The following PDE7B variants were observed in gnomAD, a reference collection of about 807,000 sequenced individuals.
PDE7B encodes phosphodiesterase 7B.
Under a neutral mutation model 56.2 loss-of-function variants are expected in PDE7B, and 29 were observed. That is an observed-to-expected ratio of 0.52 (90% confidence interval 0.38 to 0.70). The LOEUF (loss-of-function observed/expected upper bound fraction) is 0.70, where lower values mean the gene tolerates loss of function less well. Among genes scored for constraint, PDE7B ranks in the 30% least tolerant of loss-of-function variants. The pLI is 0.00. For synonymous variants in PDE7B, 197 were observed against 196.9 expected, an observed-to-expected ratio of 1.00 and a Z score of 0.00; for missense variants, 490 against 565.0, an observed-to-expected ratio of 0.87 and a Z score of 1.35.
chr6:135,853,911 A>G (rs765642017), intron 1 of PDE7B, among the ~76,000 whole-genome samples: 23 of 152,210 alleles, frequency 1.5e-4, no homozygotes, highest in Non-Finnish European at 2.9e-4. Context: ...CCTAGAATTT[A>G]CTACCTTTCA....
intron 1 of PDE7B, among the ~76,000 whole-genome samples, chr6:135,896,141 A>T (rs143245721): frequency 6.6e-6 from 1 of 152,166 alleles, no homozygotes; most frequent in Non-Finnish European, 1.5e-5. Flanking sequence ...AGAACATGCC[A>T]AACAACAGGT....
chr6:136,188,232 A>G (rs1273546960), intron 12 of PDE7B, among the ~76,000 whole-genome samples: 1 of 151,870 alleles, frequency 6.6e-6, no homozygotes, highest in African/African-American at 2.4e-5. Context: ...GGAATATACA[A>G]CTATTAAAAT....
chr6:136,036,078 T>C (rs753691872), intron 2 of PDE7B, among the ~76,000 whole-genome samples: 3 of 152,192 alleles, frequency 2.0e-5, no homozygotes, highest in Non-Finnish European at 4.4e-5. Context: ...TCAGGAAATA[T>C]GATAATAAAG....
chr6:136,057,731 A>G (rs115525634), intron 2 of PDE7B, among the ~76,000 whole-genome samples: 2,350 of 152,178 alleles, frequency 0.015, 53 homozygotes, highest in African/African-American at 0.054. Flanking sequence ...TGTTGGGATG[A>G]TATCTGCTCA....
rs10625572 is a variant in PDE7B, at chr6:136,156,162, AGTGTGTGTGTGTGTGT to A, written c.711+429_711+444del. On this transcript the variant is annotated intron_variant, in intron 8 of 12. Transcript: ENST00000308191. ...AGGAAAGAGAAGAGAGAATGATCCA[AGTGTGTGTGTGTGTGT>A]GTGTGTGTGTGTGTGTGTGTGTGTT... The A allele has an allele frequency of 6.7e-3, 1,677 of 252,080 alleles. 19 individuals are homozygous for A. Among genetic ancestry groups the A allele is most frequent in the African/African-American group, 0.04 (1,550 of 39,216 alleles). 15.6% of individuals were successfully genotyped at this position (252,080 alleles called of 1,614,324 possible).
intron 2 of PDE7B, among the ~76,000 whole-genome samples, chr6:135,959,368 G>A (rs189538279): frequency 3.5e-4 from 53 of 152,064 alleles, no homozygotes; most frequent in Admixed American, 2.7e-3. Context: ...AATTTATGTC[G>A]AAATGTAAAT....
chr6:135,971,997 G>T lies in PDE7B; in HGVS notation c.82+24473G>T, dbSNP rs933849406. On this transcript the variant is annotated intron_variant, in intron 2 of 12. Coordinates refer to ENST00000308191, the MANE Select transcript of PDE7B (RefSeq NM_018945.4). Reference sequence around the variant, plus strand: ...TGCCTGTAATCCCAGCACTTTGGGAGGCAGAGGCAGGCAGATCACCTGAGG... The same window carrying T: ...TGCCTGTAATCCCAGCACTTTGGGATGCAGAGGCAGGCAGATCACCTGAGG... Among the ~76,000 whole-genome samples, 4 of 152,210 alleles carry T rather than the reference G, an allele frequency of 2.6e-5. No individual in the cohort carries two copies. In the South Asian group the frequency reaches 8.3e-4, roughly 32 times the overall value.
At chr6:136,106,006 A>C (rs1347826139) in intron 2 of PDE7B, among the ~76,000 whole-genome samples, 1 of 152,156 alleles carries the variant, frequency 6.6e-6, no homozygotes, top group African/African-American at 2.4e-5. Context: ...ACAAATCCAC[A>C]AGCCCAGCCA....
intron 3 of PDE7B, among the ~76,000 whole-genome samples, chr6:136,140,719 CT>C: frequency 6.6e-6 from 1 of 152,002 alleles, no homozygotes; most frequent in African/African-American, 2.4e-5. Context: ...GTATTTTGTT[CT>C]CTTTGAAGCA....
chr6:135,889,744 G>C (rs1775775955), intron 1 of PDE7B, among the ~76,000 whole-genome samples: 1 of 135,406 alleles, frequency 7.4e-6, no homozygotes, highest in African/African-American at 2.9e-5. Context: ...CCCAGACGGT[G>C]CTACCATTTT....
At chr6:136,015,264 G>A (rs1249671825) in intron 2 of PDE7B, among the ~76,000 whole-genome samples, 2 of 152,150 alleles carry the variant, frequency 1.3e-5, no homozygotes, top group African/African-American at 4.8e-5. Context: ...TCACTGCGGG[G>A]GTCGGGGGAG....
chr6:136,190,396 T>TC (rs1248309422), intron 12 of PDE7B, among the ~76,000 whole-genome samples: 7 of 152,344 alleles, frequency 4.6e-5, no homozygotes, highest in African/African-American at 1.7e-4. Flanking sequence ...GCTGCATCCC[T>TC]CTTCCATCTC....
In PDE7B at chr6:135,964,199, G is replaced by A. The variant is rs997796972; in HGVS notation, c.82+16675G>A. 9.6e-4 allele frequency among the ~76,000 whole-genome samples: 146 copies of A among 152,058 alleles called. 7 individuals are homozygous for A. Among genetic ancestry groups the A allele is most frequent in the Non-Finnish European group, 2.4e-4 (16 of 68,018 alleles). Reference sequence around the variant, plus strand: ...GCTCATTGCGACCTCCGCCACGAGGGTTCAAGTGAGTCTCCTGCCTCAGCC... The same window carrying A: ...GCTCATTGCGACCTCCGCCACGAGGATTCAAGTGAGTCTCCTGCCTCAGCC... On this transcript the variant is annotated intron_variant, in intron 2 of 12. Coordinates refer to ENST00000308191, the MANE Select transcript of PDE7B (RefSeq NM_018945.4).
intron 1 of PDE7B, among the ~76,000 whole-genome samples, chr6:135,881,005 A>G (rs6921794): frequency 0.2 from 29,993 of 152,082 alleles, 6,078 homozygotes; most frequent in African/African-American, 0.52. Context: ...CAGACCAGGT[A>G]TGAAGTTCGC....
intron 6 of PDE7B, among the ~76,000 whole-genome samples, chr6:136,152,615 T>C (rs948538319): frequency 1.5e-4 from 23 of 152,324 alleles, no homozygotes; most frequent in African/African-American, 5.3e-4. Context: ...CCTCAGTTCT[T>C]ATTTAAATGT....
At chr6:136,172,774 C>G (rs187588281) in intron 8 of PDE7B, among the ~76,000 whole-genome samples, 2 of 152,030 alleles carry the variant, frequency 1.3e-5, no homozygotes, top group Non-Finnish European at 2.9e-5. Context: ...TTAGGTCTAA[C>G]GTTTAAGTCT....
intron 2 of PDE7B, among the ~76,000 whole-genome samples, chr6:136,085,525 G>A (rs894603772): frequency 3.3e-5 from 5 of 152,184 alleles, no homozygotes; most frequent in African/African-American, 1.2e-4. Flanking sequence ...TGTGCCGGAG[G>A]GGGCTGAGTG....
intron 3 of PDE7B, among the ~76,000 whole-genome samples, chr6:136,124,977 A>C (rs1777997430): frequency 6.6e-6 from 1 of 152,174 alleles, no homozygotes; most frequent in South Asian, 2.1e-4. Context: ...TTTGTGATAA[A>C]ACAAATATTT....
chr6:135,863,692 A>ATTT (rs200974005), intron 1 of PDE7B, among the ~76,000 whole-genome samples: 1 of 138,624 alleles, frequency 7.2e-6, no homozygotes. Flanking sequence ...ATCCCTTCCA[A>ATTT]TTTTTTTTTT....
Sources: gnomAD v4.1 joint callset for allele counts (sites outside exome capture counted in the v4.1 genomes callset) on GRCh38, gnomAD v4.1.1 for gene constraint, MANE v1.5 for transcripts, NCBI Gene and HGNC (gene_info 2026-07-23, HGNC 2026-07-21) for gene names.